Variants in UHRF2 observed in about 807,000 individuals in gnomAD.
The protein encoded by UHRF2 is E3 ubiquitin-protein ligase UHRF2.
A neutral mutation model predicts 96.8 loss-of-function variants in UHRF2; 23 were observed. The observed-to-expected ratio is 0.24, with a 90% confidence interval of 0.17 to 0.34. The LOEUF (loss-of-function observed/expected upper bound fraction) is 0.34. Among genes scored for constraint, UHRF2 ranks in the 10% least tolerant of loss-of-function variants. The probability of loss-of-function intolerance (pLI) is 1.00; values close to 1 mark genes in which losing one functional copy is unlikely to be tolerated. For missense variants in UHRF2, 685 were observed against 981.5 expected (o/e 0.70, Z 4.04); for synonymous variants, 385 against 332.6 (o/e 1.16, Z -1.72).
At chr9:6,493,455 C>T (rs1563804767) in intron 9 of UHRF2, among the ~76,000 whole-genome samples, 1 of 152,064 alleles carries the variant, frequency 6.6e-6, no homozygotes, top group Non-Finnish European at 1.5e-5. Flanking sequence ...GTGGTATTAT[C>T]TATAAAGAAC....
At chr9:6,413,763 G>A (rs1395900330) in intron 1 of UHRF2, 120 bp downstream of exon 1, 1 of 1,238,518 alleles carries the variant, frequency 8.1e-7, no homozygotes, top group Non-Finnish European at 1.0e-6. Flanking sequence ...GCTCCGCTGC[G>A]GGTGGGCAGC....
At chr9:6,490,595 T>A (rs1824602416) in intron 9 of UHRF2, among the ~76,000 whole-genome samples, 1 of 152,122 alleles carries the variant, frequency 6.6e-6, no homozygotes, top group African/African-American at 2.4e-5. Context: ...ATCACTGTAC[T>A]CCAGCCTGGA....
At chr9:6,467,444 A>G (rs988757185) in intron 4 of UHRF2, among the ~76,000 whole-genome samples, 1 of 152,134 alleles carries the variant, frequency 6.6e-6, no homozygotes, top group Non-Finnish European at 1.5e-5. Flanking sequence ...GAATTAGGAC[A>G]TGAACCTCTT....
intron 1 of UHRF2, among the ~76,000 whole-genome samples, chr9:6,417,091 T>C (rs1819651200): frequency 6.6e-6 from 1 of 152,188 alleles, no homozygotes; most frequent in Non-Finnish European, 1.5e-5. Flanking sequence ...GATGGATACG[T>C]GAAAGTTGTT....
chr9:6,443,288 T>C (rs1821288674), intron 3 of UHRF2, among the ~76,000 whole-genome samples: 1 of 152,210 alleles, frequency 6.6e-6, no homozygotes, highest in Non-Finnish European at 1.5e-5. Context: ...TGCCAAGCAG[T>C]ATACAGATAC....
rs973905590 is a variant in UHRF2, at chr9:6,460,590, C to A, written c.662C>A (p.Thr221Asn). ...IQYDEYPESG[T>N]LEMNVKDLRP... ...CTCCTCAGATACCCAGAAAGCGGTA[C>A]TCTAGAAATGAATGTCAAGGATCTT... The change falls in exon 4 of 16, where the codon ACT (threonine) becomes AAT (asparagine). Residue 221 changes from threonine (T) to asparagine (N), a missense_variant. Thr to Asn is a moderately conservative substitution (Grantham distance 65). This residue lies in a region of UHRF2 where 391 missense variants were observed against 437.0 expected (regional missense o/e 0.89). Transcript: ENST00000276893. The A allele has an allele frequency of 6.2e-7, 1 of 1,607,138 alleles. No homozygotes were observed. The highest frequency in any genetic ancestry group is 8.5e-7 in the Non-Finnish European group (1 of 1,175,954).
In UHRF2 at chr9:6,460,810, G is replaced by C. The variant is rs774664727; in HGVS notation, c.863+19G>C. ...TCCTGGGGTAAGATTGTCTTCACTG[G>C]TGCCATTTAATTAACTGAATTGATC... is the stretch of plus-strand genomic sequence containing the variant. On this transcript the variant is annotated intron_variant, in intron 4 of 15. Transcript: ENST00000276893. 6 of 1,595,404 alleles carry C rather than the reference G, an allele frequency of 3.8e-6. No homozygotes were observed. Among genetic ancestry groups the C allele is most frequent in the Non-Finnish European group, 4.3e-6 (5 of 1,169,194 alleles).
chr9:6,426,710 C>G (rs578002397), intron 2 of UHRF2, among the ~76,000 whole-genome samples: 1 of 152,082 alleles, frequency 6.6e-6, no homozygotes, highest in Non-Finnish European at 1.5e-5. Context: ...AACTGAAAAC[C>G]ATTTAGAAGC....
intron 10 of UHRF2, chr9:6,496,604 T>A (rs1024156742): frequency 6.6e-6 from 1 of 152,218 alleles, no homozygotes; most frequent in Non-Finnish European, 1.5e-5. Flanking sequence ...AGCACAGGCA[T>A]TTGGATGCTT....
intron 5 of UHRF2, among the ~76,000 whole-genome samples, chr9:6,475,807 A>T (rs552523982): frequency 6.6e-6 from 1 of 152,198 alleles, no homozygotes; most frequent in Non-Finnish European, 1.5e-5. Flanking sequence ...ATACAGGCAT[A>T]CAGTGTGTAA....
chr9:6,413,859 C>T (rs769715938), intron 1 of UHRF2: 77 of 507,984 alleles, frequency 1.5e-4, no homozygotes, highest in Non-Finnish European at 2.3e-4. Context: ...GTGCGCCGCG[C>T]GGGGTCAGAA....
chr9:6,479,536 G>C (rs1298911343), intron 6 of UHRF2, among the ~76,000 whole-genome samples: 1 of 152,018 alleles, frequency 6.6e-6, no homozygotes, highest in East Asian at 1.9e-4. Context: ...TTCCCTAGAT[G>C]ATCTCGTCCA....
chr9:6,415,855 G>A (rs1180194231), intron 1 of UHRF2, among the ~76,000 whole-genome samples: 3 of 152,168 alleles, frequency 2.0e-5, no homozygotes, highest in Non-Finnish European at 4.4e-5. Flanking sequence ...GAAAATGAAT[G>A]TTGATAGATA....
At chr9:6,503,495 T>C (rs1435900462) in intron 14 of UHRF2, among the ~76,000 whole-genome samples, 1 of 152,074 alleles carries the variant, frequency 6.6e-6, no homozygotes, top group Non-Finnish European at 1.5e-5. Context: ...TTACATTAGG[T>C]GGCTCTACTT....
chr9:6,489,022 C>T (rs1413726111), intron 9 of UHRF2, among the ~76,000 whole-genome samples: 1 of 151,982 alleles, frequency 6.6e-6, no homozygotes, highest in Non-Finnish European at 1.5e-5. Context: ...GTTGGCCAGG[C>T]TGGTCTCAAA....
intron 4 of UHRF2, among the ~76,000 whole-genome samples, chr9:6,463,561 C>T (rs111255941): frequency 4.0e-5 from 6 of 151,810 alleles, no homozygotes; most frequent in Non-Finnish European, 8.8e-5. Context: ...ACCTCCGCCT[C>T]CTGGATTCAA....
intron 3 of UHRF2, among the ~76,000 whole-genome samples, chr9:6,438,418 T>C (rs530574043): frequency 1.3e-5 from 2 of 152,346 alleles, no homozygotes; most frequent in African/African-American, 4.8e-5. Flanking sequence ...AAGTCACATT[T>C]TTGTACTTTA....
At chr9:6,477,080 A>G (rs1823618066) in intron 5 of UHRF2, among the ~76,000 whole-genome samples, 1 of 152,160 alleles carries the variant, frequency 6.6e-6, no homozygotes, top group Admixed American at 6.5e-5. Flanking sequence ...TAAAAATACA[A>G]AAATTAGCTG....
intron 1 of UHRF2, among the ~76,000 whole-genome samples, chr9:6,418,259 CTTTTTTT>C (rs200084021): frequency 8.0e-6 from 1 of 124,898 alleles, no homozygotes; most frequent in Non-Finnish European, 1.7e-5. Context: ...GAGGATGTTC[CTTTTTTT>C]TTTTTTTTTT....
Sources: gnomAD v4.1 joint callset for allele counts (sites outside exome capture counted in the v4.1 genomes callset) on GRCh38, gnomAD v4.1.1 for gene constraint, gnomAD v4.1.1 regional missense constraint, MANE v1.5 for transcripts, NCBI Gene and HGNC (gene_info 2026-07-23, HGNC 2026-07-21) for gene names.